The following ENAH variants were observed in gnomAD, a reference collection of about 807,000 sequenced individuals.
ENAH encodes the protein ENAH actin regulator, also known as protein enabled homolog.
A neutral mutation model predicts 78.7 loss-of-function variants in ENAH; 23 were observed. The observed-to-expected ratio is 0.29, with a 90% confidence interval of 0.21 to 0.41. The LOEUF (loss-of-function observed/expected upper bound fraction) is 0.41. Among genes scored for constraint, ENAH ranks in the 10% least tolerant of loss-of-function variants. ENAH has a pLI of 1.00. For synonymous variants in ENAH, 226 were observed against 241.0 expected (o/e 0.94, Z 0.58); for missense variants, 544 against 691.0 (o/e 0.79, Z 2.39).
intron 11 of ENAH, among the ~76,000 whole-genome samples, chr1:225,501,508 A>G (rs1202804234): frequency 6.6e-6 from 1 of 152,264 alleles, no homozygotes; most frequent in Non-Finnish European, 1.5e-5. Context: ...AAACATAAAG[A>G]CTTGAATGTT....
Position 225,512,926 on chromosome 1 carries a change from G to A in ENAH, c.1309C>T (p.Leu437Phe). 6.2e-7 allele frequency: 1 copy of A among 1,614,080 alleles called. No individual in the cohort carries two copies. The highest frequency in any genetic ancestry group is 8.5e-7 in the Non-Finnish European group (1 of 1,179,992). Residue 437 changes from leucine to phenylalanine, a missense_variant, in exon 8 of 14, where the codon CTT (leucine) becomes TTT (phenylalanine). By Grantham distance (22) the Leu-to-Phe change is conservative (BLOSUM62 0). Around this residue, in one of 4 missense-constraint regions of ENAH, gnomAD observed 366 missense variants for 396.1 expected, o/e 0.92. Transcript: ENST00000366843. ...KTDTGRGNGP[L>F]PLGGSGLMEE... ...ATTAAACCACTACCCCCTAAAGGAAGGGGTCCATTTCCACGGCCTGTATCT... is the reference window on the plus strand; with the variant it reads ...ATTAAACCACTACCCCCTAAAGGAAAGGGTCCATTTCCACGGCCTGTATCT...
rs546510339 is a variant in ENAH, at chr1:225,491,668, A to T, written c.*6107T>A. ...TTTCTCTCAGTTTCTATAGACTTGG[A>T]TGGAAACTTTTGGACTTGATGGGAA... On this transcript the variant is annotated 3_prime_UTR_variant, in exon 14 of 14. Transcript: ENST00000366843. The T allele has an allele frequency of 4.6e-5, 7 of 152,282 alleles. No individual in the cohort carries two copies. Among genetic ancestry groups the T allele is most frequent in the African/African-American group, 1.7e-4 (7 of 41,574 alleles). The allele number at this position is 152,282 out of a possible 1,614,324, so 9.4% of individuals were successfully genotyped here. A position where few individuals can be genotyped will look rare whatever the true frequency, so the allele number is the denominator to read the frequency against.
At chr1:225,505,237 C>T (rs1040153901) in intron 11 of ENAH, among the ~76,000 whole-genome samples, 1 of 152,050 alleles carries the variant, frequency 6.6e-6, no homozygotes, top group Non-Finnish European at 1.5e-5. Context: ...TGTGAAGATA[C>T]CAGTTACAGA....
At chr1:225,642,156 G>A (rs965933047) in intron 1 of ENAH, among the ~76,000 whole-genome samples, 16 of 150,130 alleles carry the variant, frequency 1.1e-4, no homozygotes, top group Non-Finnish European at 2.2e-4. Context: ...AGCCGAAATC[G>A]CATGACTGCA....
chr1:225,604,529 A>T (rs948970002), intron 1 of ENAH, among the ~76,000 whole-genome samples: 2 of 151,924 alleles, frequency 1.3e-5, no homozygotes, highest in African/African-American at 2.4e-5. Flanking sequence ...CACGCCTGTA[A>T]TCTCAGCACT....
At chr1:225,642,090 A>G (rs566589195) in intron 1 of ENAH, among the ~76,000 whole-genome samples, 28 of 151,816 alleles carry the variant, frequency 1.8e-4, no homozygotes, top group Non-Finnish European at 2.8e-4. Flanking sequence ...AATCCTAGCT[A>G]CTCAGGAGAC....
At chr1:225,648,679 G>C (rs1420977468) in intron 1 of ENAH, among the ~76,000 whole-genome samples, 2 of 151,436 alleles carry the variant, frequency 1.3e-5, no homozygotes, top group East Asian at 1.9e-4. Flanking sequence ...TGGGAACAAA[G>C]AGACTACTAT....
chr1:225,624,550 G>A (rs1657594088), intron 1 of ENAH, among the ~76,000 whole-genome samples: 1 of 152,042 alleles, frequency 6.6e-6, no homozygotes, highest in African/African-American at 2.4e-5. Context: ...CTTGAACCTG[G>A]GAGGCAGAAG....
intron 3 of ENAH, among the ~76,000 whole-genome samples, chr1:225,546,527 T>G (rs186042826): frequency 6.6e-6 from 1 of 152,124 alleles, no homozygotes; most frequent in South Asian, 2.1e-4. Context: ...CCATGGTAGG[T>G]AAAGAATACC....
intron 1 of ENAH, among the ~76,000 whole-genome samples, chr1:225,609,366 A>C (rs941157501): frequency 6.6e-6 from 1 of 152,302 alleles, no homozygotes; most frequent in African/African-American, 2.4e-5. Context: ...CCATATTAAA[A>C]TAGTACACAG....
At chr1:225,546,042 G>A (rs1003472413) in intron 3 of ENAH, among the ~76,000 whole-genome samples, 2 of 150,106 alleles carry the variant, frequency 1.3e-5, no homozygotes, top group African/African-American at 4.9e-5. Context: ...TCCTGCCTCA[G>A]CCTCCCAAGA....
chr1:225,494,156 C>G lies in ENAH; in HGVS notation c.*3619G>C, dbSNP rs967277184. Reference sequence around the variant, plus strand: ...ATGAATATTGGGAACACGCGGTCCACGAGAAGTGGAGAGGAGAATGGAGGG... The same window carrying G: ...ATGAATATTGGGAACACGCGGTCCAGGAGAAGTGGAGAGGAGAATGGAGGG... On this transcript the variant is annotated 3_prime_UTR_variant, in exon 14 of 14. Coordinates refer to ENST00000366843, the MANE Select transcript of ENAH (RefSeq NM_018212.6). The G allele has an allele frequency of 6.8e-6, 1 of 147,336 alleles. No individual in the cohort carries two copies. The highest frequency in any genetic ancestry group is 2.5e-5 in the African/African-American group (1 of 39,750). The allele number at this position is 147,336 out of a possible 1,614,324, so 9.1% of individuals were successfully genotyped here. A position where few individuals can be genotyped will look rare whatever the true frequency, so the allele number is the denominator to read the frequency against.
chr1:225,641,056 G>T (rs1660962412), intron 1 of ENAH, among the ~76,000 whole-genome samples: 1 of 151,620 alleles, frequency 6.6e-6, no homozygotes, highest in African/African-American at 2.4e-5. Flanking sequence ...GTAGAGACAG[G>T]GTTTCACCGT....
At chr1:225,614,647 T>C (rs1431279447) in intron 1 of ENAH, among the ~76,000 whole-genome samples, 3 of 152,188 alleles carry the variant, frequency 2.0e-5, no homozygotes, top group Non-Finnish European at 4.4e-5. Flanking sequence ...GATAGGTTGG[T>C]TGCTTCTCCT....
At chr1:225,504,182 T>A (rs911261138) in intron 11 of ENAH, among the ~76,000 whole-genome samples, 2 of 151,956 alleles carry the variant, frequency 1.3e-5, no homozygotes, top group South Asian at 2.1e-4. Context: ...AATTTTTTTT[T>A]ATTTTTTGTA....
intron 3 of ENAH, among the ~76,000 whole-genome samples, chr1:225,547,412 C>A (rs1299152346): frequency 6.6e-5 from 10 of 152,230 alleles, no homozygotes; most frequent in Non-Finnish European, 1.3e-4. Context: ...AGCCAGAATT[C>A]TTTCTTAATG....
In ENAH at chr1:225,652,758, T is replaced by G. The variant is rs2148541201; in HGVS notation, c.-68A>C. On this transcript the variant is annotated 5_prime_UTR_variant, in exon 1 of 14. Coordinates refer to ENST00000366843, the MANE Select transcript of ENAH (RefSeq NM_018212.6). ...AGAAGGCGCCGAGCCGAGGGGGGGG[T>G]CTCTCCTCCAGGGGTGGGGAGCAGC... 1.6e-6 allele frequency: 2 copies of G among 1,263,414 alleles called. No homozygotes were observed. The highest frequency in any genetic ancestry group is 2.5e-5 in the South Asian group (1 of 39,972). The allele number at this position is 1,263,414 out of a possible 1,614,324, so 78.3% of individuals were successfully genotyped here. A position where few individuals can be genotyped will look rare whatever the true frequency, so the allele number is the denominator to read the frequency against.
chr1:225,527,248 C>T (rs749629192), intron 4 of ENAH, among the ~76,000 whole-genome samples: 5 of 152,180 alleles, frequency 3.3e-5, no homozygotes, highest in Non-Finnish European at 5.9e-5. Flanking sequence ...CCAAAGTTAA[C>T]AGGACAATTT....
intron 3 of ENAH, among the ~76,000 whole-genome samples, chr1:225,550,083 C>G (rs1474294514): frequency 6.6e-6 from 1 of 152,134 alleles, no homozygotes; most frequent in East Asian, 1.9e-4. Flanking sequence ...CTCCTGACCC[C>G]CACCACATAA....
Sources: allele counts gnomAD v4.1 joint callset (sites outside exome capture counted in the v4.1 genomes callset), GRCh38; gene constraint gnomAD v4.1.1; regional missense constraint gnomAD v4.1.1; transcripts MANE v1.5; gene names NCBI Gene and HGNC (gene_info 2026-07-23, HGNC 2026-07-21).